The following ATP11B variants were observed in gnomAD, a reference collection of about 807,000 sequenced individuals.
ATP11B encodes the protein phospholipid-transporting ATPase IF.
Under a neutral mutation model 157.8 loss-of-function variants are expected in ATP11B, and 81 were observed. The observed-to-expected ratio is 0.51, with a 90% CI of 0.43 to 0.62. The LOEUF (loss-of-function observed/expected upper bound fraction) is 0.62, where lower values mean the gene tolerates loss of function less well. Ranked by LOEUF, ATP11B falls within the 20% of genes least tolerant of loss-of-function variation. The probability of loss-of-function intolerance (pLI) is 0.00; values close to 1 mark genes in which losing one functional copy is unlikely to be tolerated. For synonymous variants in ATP11B, 451 were observed against 469.4 expected (o/e 0.96, Z 0.51); for missense variants, 1,165 against 1,402.2 (o/e 0.83, Z 2.70).
At position 182,898,678 on chromosome 3, in the gene ATP11B, C is replaced by T. The variant is rs887666635; in HGVS notation, c.3224C>T (p.Ala1075Val). Residue 1075 changes from alanine (A) to valine (V), a missense_variant, in exon 28 of 30, where the codon GCC becomes GTC. Physicochemically the swap from Ala to Val is moderately conservative, Grantham distance 64. Coordinates refer to ENST00000323116, the MANE Select transcript of ATP11B (RefSeq NM_014616.3). ...QLLSSGSAWF[A>V]IILMVVTCLF... Reference sequence around the variant, plus strand: ...CTGTCAAGTGGTTCTGCTTGGTTTGCCATAATCCTCATGGTTGTTACATGT... The same window carrying T: ...CTGTCAAGTGGTTCTGCTTGGTTTGTCATAATCCTCATGGTTGTTACATGT... 1 of 1,608,522 alleles carries T rather than the reference C, an allele frequency of 6.2e-7. No individual in the cohort carries two copies. Among genetic ancestry groups the T allele is most frequent in the East Asian group, 2.2e-5 (1 of 44,528 alleles).
At chr3:182,905,774 T>C (rs1181688624) in intron 28 of ATP11B, 1 of 456,642 alleles carries the variant, frequency 2.2e-6, no homozygotes, top group African/African-American at 2.0e-5. Flanking sequence ...ATGAGACTTG[T>C]TGCTTTTCTG....
intron 10 of ATP11B, among the ~76,000 whole-genome samples, chr3:182,851,529 G>A (rs1452837062): frequency 6.6e-6 from 1 of 152,072 alleles, no homozygotes; most frequent in Non-Finnish European, 1.5e-5. Flanking sequence ...AAGATGATGG[G>A]GGGCTTTAAA....
At chr3:182,798,828 C>T (rs1025539969) in intron 1 of ATP11B, among the ~76,000 whole-genome samples, 2 of 152,158 alleles carry the variant, frequency 1.3e-5, no homozygotes, top group Non-Finnish European at 2.9e-5. Context: ...CATTCATTTT[C>T]TAATTGATTA....
In ATP11B at chr3:182,815,456, AAAT is replaced by A. The variant is rs149549055; in HGVS notation, c.28-4800_28-4798del. Among the ~76,000 whole-genome samples the A allele has an allele frequency of 2.7e-4, 41 of 152,320 alleles. No homozygotes were observed. In the East Asian group the frequency reaches 7.9e-3, roughly 29 times the overall value. ...TTTGTAGGTTTCAGTAAAAGACGTT[AAAT>A]AATTCCTCCCCAGAAGCATTGGTAT... On this transcript the variant is annotated intron_variant, in intron 1 of 29. Coordinates refer to ENST00000323116, the MANE Select transcript of ATP11B (RefSeq NM_014616.3).
At chr3:182,807,372 G>T (rs1349954398) in intron 1 of ATP11B, among the ~76,000 whole-genome samples, 2 of 152,146 alleles carry the variant, frequency 1.3e-5, no homozygotes, top group Admixed American at 1.3e-4. Flanking sequence ...AGAGTTTCTA[G>T]TCCAGCCATG....
At chr3:182,904,830 A>G (rs1388109461) in intron 28 of ATP11B, among the ~76,000 whole-genome samples, 1 of 150,078 alleles carries the variant, frequency 6.7e-6, no homozygotes, top group East Asian at 2.0e-4. Context: ...TGGAGATTGC[A>G]GTGAGCCAAG....
rs1399263512 is a variant in ATP11B at position 182,917,614 on chromosome 3, C to T, written c.3453-409C>T. The T allele has an allele frequency of 1.1e-5, 11 of 985,204 alleles. 1 individual carries two copies. The highest frequency in any genetic ancestry group is 2.3e-4 in the East Asian group (2 of 8,826). The allele number at this position is 985,204 out of a possible 1,614,324, so 61.0% of individuals were successfully genotyped here. On this transcript the variant is annotated intron_variant, in intron 29 of 29. Transcript: ENST00000323116. ...TGAAATGATCAATAATAGGAACATA[C>T]TACTGTTTCATTCCAAAGCCTTTGG...
intron 3 of ATP11B, 33 bp from the exon 4 acceptor site, chr3:182,829,637 AAT>A: frequency 7.2e-7 from 1 of 1,384,230 alleles, no homozygotes; most frequent in Non-Finnish European, 1.0e-6. Flanking sequence ...ACAATATAAA[AAT>A]ATAATATTCT....
At chr3:182,805,366 C>G (rs1350603322) in intron 1 of ATP11B, among the ~76,000 whole-genome samples, 1 of 152,060 alleles carries the variant, frequency 6.6e-6, no homozygotes, top group Non-Finnish European at 1.5e-5. Context: ...TTGTGCTTCC[C>G]TAATGACTAA....
chr3:182,797,650 G>T (rs1715707640), intron 1 of ATP11B, among the ~76,000 whole-genome samples: 1 of 152,136 alleles, frequency 6.6e-6, no homozygotes, highest in African/African-American at 2.4e-5. Flanking sequence ...AAAGGTTGCA[G>T]TAAGCCAAGA....
intron 28 of ATP11B, among the ~76,000 whole-genome samples, chr3:182,906,668 C>T (rs1478183778): frequency 6.6e-6 from 1 of 152,022 alleles, no homozygotes; most frequent in African/African-American, 2.4e-5. Context: ...ACACACTGGT[C>T]TCAAACTCCT....
In ATP11B at chr3:182,898,604, C is replaced by G; in HGVS notation, c.3153-3C>G. ...TTATTAAGCACATTTTCTTTCTTTG[C>G]AGGCCATTTTTGGGCTCCCAGAATA... On this transcript the variant is annotated splice_polypyrimidine_tract_variant and splice_region_variant and intron_variant, in intron 27 of 29. Transcript: ENST00000323116. 3 of 1,579,796 alleles carry G rather than the reference C, an allele frequency of 1.9e-6. No homozygotes were observed. The highest frequency in any genetic ancestry group is 2.6e-6 in the Non-Finnish European group (3 of 1,164,740).
intron 6 of ATP11B, 190 bp downstream of exon 6, chr3:182,836,660 A>G: frequency 1.7e-6 from 1 of 605,184 alleles, no homozygotes; most frequent in East Asian, 3.0e-5. Flanking sequence ...GTAGCCTCAC[A>G]TGGGTTTAAT....
chr3:182,801,708 G>C (rs944789224), intron 1 of ATP11B, among the ~76,000 whole-genome samples: 7 of 151,994 alleles, frequency 4.6e-5, no homozygotes, highest in African/African-American at 1.7e-4. Flanking sequence ...CTCCAAAATC[G>C]CTTCTTCCTT....
At chr3:182,801,946 C>T (rs1025806671) in intron 1 of ATP11B, among the ~76,000 whole-genome samples, 7 of 152,128 alleles carry the variant, frequency 4.6e-5, no homozygotes, top group African/African-American at 1.2e-4. Flanking sequence ...GTCAACTGCT[C>T]TTTTTCTATG....
chr3:182,915,431 G>C, intron 29 of ATP11B: 17 of 985,276 alleles, frequency 1.7e-5, no homozygotes, highest in Non-Finnish European at 1.9e-5. Context: ...GCTCTGTCAT[G>C]TACCTAGGCC....
At chr3:182,842,045 T>C in intron 7 of ATP11B, 30 bp from the exon 8 acceptor site, 1 of 1,502,650 alleles carries the variant, frequency 6.7e-7, no homozygotes, top group Admixed American at 1.7e-5. Flanking sequence ...AGTGATATTA[T>C]ATGTTTTTGT....
intron 7 of ATP11B, among the ~76,000 whole-genome samples, chr3:182,840,036 T>C (rs1718881762): frequency 6.6e-6 from 1 of 152,242 alleles, no homozygotes; most frequent in Admixed American, 6.5e-5. Context: ...TCATTTTAAA[T>C]GGCTATGAAT....
intron 29 of ATP11B, 74 bp from the exon 30 acceptor site, chr3:182,917,948 GT>G: frequency 6.3e-7 from 1 of 1,579,188 alleles, no homozygotes. Context: ...TGGGTCCTAA[GT>G]TTTAGAGTAA....
Sources: gnomAD v4.1 joint callset for allele counts (sites outside exome capture counted in the v4.1 genomes callset) on GRCh38, gnomAD v4.1.1 for gene constraint, MANE v1.5 for transcripts, NCBI Gene and HGNC (gene_info 2026-07-23, HGNC 2026-07-21) for gene names.